Variants in TMEM178A observed in about 807,000 individuals in gnomAD.
The protein encoded by TMEM178A is transmembrane protein 178.
In TMEM178A, 12 loss-of-function variants were observed where a neutral mutation model predicts 29.1. The observed-to-expected ratio is 0.41, with a 90% CI of 0.26 to 0.67. The LOEUF is 0.67. TMEM178A is among the 30% of genes least tolerant of loss of function. The probability of loss-of-function intolerance (pLI) is 0.29; values close to 1 mark genes in which losing one functional copy is unlikely to be tolerated. For missense variants in TMEM178A, 366 were observed against 419.1 expected, an observed-to-expected ratio of 0.87 and a Z score of 1.11; for synonymous variants, 210 against 187.2, an observed-to-expected ratio of 1.12 and a Z score of -0.99.
chr2:39,726,607 G>A, the TMEM178A span, among the ~76,000 whole-genome samples: 5 of 152,154 alleles, frequency 3.3e-5, no homozygotes, highest in Middle Eastern at 3.2e-3. Context: ...CCCAGTGAAT[G>A]AATTGTCCTT....
chr2:39,684,931 G>T (rs1420998339), intron 1 of TMEM178A, among the ~76,000 whole-genome samples: 4 of 152,160 alleles, frequency 2.6e-5, no homozygotes, highest in African/African-American at 7.2e-5. Flanking sequence ...ACAAAGGAAG[G>T]ATTCTCCAAC....
chr2:39,670,912 T>A (rs1670383839), intron 1 of TMEM178A, among the ~76,000 whole-genome samples: 1 of 152,222 alleles, frequency 6.6e-6, no homozygotes, highest in Non-Finnish European at 1.5e-5. Flanking sequence ...TGCATGTCAA[T>A]GAAATTCTAA....
chr2:39,709,866 G>A (rs1672226368), intron 3 of TMEM178A, among the ~76,000 whole-genome samples: 1 of 152,242 alleles, frequency 6.6e-6, no homozygotes, highest in Admixed American at 6.5e-5. Context: ...TGCCTGAATA[G>A]TTTAGTATGC....
At chr2:39,726,744 A>C in the TMEM178A span, among the ~76,000 whole-genome samples, 1 of 152,156 alleles carries the variant, frequency 6.6e-6, no homozygotes, top group African/African-American at 2.4e-5. Flanking sequence ...CAAGGGCAAG[A>C]GTCACAAAAA....
At chr2:39,731,052 T>G in the TMEM178A span, among the ~76,000 whole-genome samples, 5 of 152,222 alleles carry the variant, frequency 3.3e-5, no homozygotes, top group Non-Finnish European at 1.5e-5. Context: ...CCCATGAGCC[T>G]CAGTCTCTTG....
chr2:39,705,842 A>G (rs565109176), intron 2 of TMEM178A, among the ~76,000 whole-genome samples: 2 of 152,270 alleles, frequency 1.3e-5, no homozygotes, highest in Admixed American at 1.3e-4. Flanking sequence ...TCTTGGCCCC[A>G]TGTGTACACA....
chr2:39,716,796 C>T (rs948720735), intron 3 of TMEM178A, among the ~76,000 whole-genome samples: 3 of 152,006 alleles, frequency 2.0e-5, no homozygotes, highest in Non-Finnish European at 2.9e-5. Flanking sequence ...TCTTTCACTC[C>T]TGCATCTCCA....
At chr2:39,692,876 C>G (rs1671382397) in intron 1 of TMEM178A, among the ~76,000 whole-genome samples, 1 of 152,186 alleles carries the variant, frequency 6.6e-6, no homozygotes, top group Non-Finnish European at 1.5e-5. Flanking sequence ...CATGATGCTT[C>G]TTACATACAC....
At chr2:39,704,838 C>G (rs1431112831) in intron 2 of TMEM178A, among the ~76,000 whole-genome samples, 1 of 152,170 alleles carries the variant, frequency 6.6e-6, no homozygotes, top group Non-Finnish European at 1.5e-5. Context: ...GTCTTTGCCC[C>G]CATCAGAGGT....
At chr2:39,679,265 C>G (rs1487826876) in intron 1 of TMEM178A, among the ~76,000 whole-genome samples, 1 of 152,162 alleles carries the variant, frequency 6.6e-6, no homozygotes, top group Non-Finnish European at 1.5e-5. Flanking sequence ...ATCTGACCCA[C>G]TCTCTTCTCA....
chr2:39,706,662 G>A (rs1672050436), intron 2 of TMEM178A, among the ~76,000 whole-genome samples: 1 of 152,020 alleles, frequency 6.6e-6, no homozygotes, highest in Non-Finnish European at 1.5e-5. Context: ...AGTTTTTGGG[G>A]TACAGGTGGT....
chr2:39,721,822 C>G (rs937306931), downstream of TMEM178A, among the ~76,000 whole-genome samples: 2 of 151,608 alleles, frequency 1.3e-5, no homozygotes, highest in Non-Finnish European at 2.9e-5. Flanking sequence ...GAGCCTGTCT[C>G]TATAAAAACA....
the TMEM178A span, among the ~76,000 whole-genome samples, chr2:39,726,942 A>G: frequency 1.3e-5 from 2 of 152,198 alleles, no homozygotes; most frequent in African/African-American, 4.8e-5. Context: ...TTACACTTCA[A>G]ATCTCCTGAC....
At chr2:39,681,005 T>C (rs1180387159) in intron 1 of TMEM178A, among the ~76,000 whole-genome samples, 2 of 152,214 alleles carry the variant, frequency 1.3e-5, no homozygotes, top group Non-Finnish European at 2.9e-5. Flanking sequence ...TGTTTTTTTT[T>C]CCTTGAATGT....
In TMEM178A at chr2:39,665,986, G is replaced by T. The variant is rs1402801189; in HGVS notation, c.12G>T (p.Arg4=). 1.4e-6 allele frequency: 2 copies of T among 1,395,546 alleles called. No homozygotes were observed. The highest frequency in any genetic ancestry group is 1.9e-6 in the Non-Finnish European group (2 of 1,076,176). 86.4% of individuals were successfully genotyped at this position (1,395,546 alleles called of 1,614,324 possible). ...CGGGGCGGGAAGCCATGGAGCCGCG[G>T]GCGCTCGTCACGGCGCTCAGCCTCG... MEP[R]ALVTALSLGL... Residue 4 remains arginine (R), a synonymous_variant, in exon 1 of 4, where the codon CGG becomes CGT. Coordinates refer to ENST00000281961, the MANE Select transcript of TMEM178A (RefSeq NM_152390.3).
chr2:39,705,810 G>A (rs58054718), intron 2 of TMEM178A, among the ~76,000 whole-genome samples: 3,989 of 152,232 alleles, frequency 0.026, 158 homozygotes, highest in African/African-American at 0.089. Flanking sequence ...CCCACACTTC[G>A]AACAGTGTGA....
At chr2:39,685,664 T>C (rs1281596333) in intron 1 of TMEM178A, among the ~76,000 whole-genome samples, 4 of 152,204 alleles carry the variant, frequency 2.6e-5, no homozygotes, top group Non-Finnish European at 4.4e-5. Context: ...AAGGTGATCA[T>C]GCATAAGAAG....
chr2:39,716,333 G>A (rs1454667813), intron 3 of TMEM178A, among the ~76,000 whole-genome samples: 1 of 152,138 alleles, frequency 6.6e-6, no homozygotes, highest in Non-Finnish European at 1.5e-5. Flanking sequence ...ACACACACAT[G>A]GATTGGTCTA....
At chr2:39,690,362 G>C (rs1341446177) in intron 1 of TMEM178A, among the ~76,000 whole-genome samples, 1 of 152,208 alleles carries the variant, frequency 6.6e-6, no homozygotes, top group Non-Finnish European at 1.5e-5. Context: ...CAGACAGCAC[G>C]TGAATATCAG....
Sources: allele counts gnomAD v4.1 joint callset (sites outside exome capture counted in the v4.1 genomes callset), GRCh38; gene constraint gnomAD v4.1.1; transcripts MANE v1.5; gene names NCBI Gene and HGNC (gene_info 2026-07-23, HGNC 2026-07-21).